RIN3: variants seen among roughly 807,000 people sequenced by gnomAD.
RIN3 encodes Ras and Rab interactor 3.
Under a neutral mutation model 76.3 loss-of-function variants are expected in RIN3, and 54 were observed. The ratio of observed to expected loss-of-function variants is 0.71; its 90% CI spans 0.57 to 0.89. RIN3 has a LOEUF of 0.89. RIN3 is among the 40% of genes least tolerant of loss of function. RIN3 has a pLI of 0.00. For synonymous variants in RIN3, 576 were observed against 564.0 expected (o/e 1.02, Z -0.30); for missense variants, 1,256 against 1,322.1 (o/e 0.95, Z 0.78).
At chr14:92,532,705 C>T (rs771881613) in intron 1 of RIN3, among the ~76,000 whole-genome samples, 1 of 152,122 alleles carries the variant, frequency 6.6e-6, no homozygotes, top group South Asian at 2.1e-4. Flanking sequence ...CACGGGGCCA[C>T]GGTGGAATGT....
At chr14:92,541,227 T>A (rs768504926) in intron 1 of RIN3, among the ~76,000 whole-genome samples, 11 of 152,258 alleles carry the variant, frequency 7.2e-5, no homozygotes, top group Admixed American at 1.3e-4. Flanking sequence ...AAACCCTTGT[T>A]ATCTCCATTC....
chr14:92,623,209 T>C lies in RIN3; in HGVS notation c.440+7730T>C, dbSNP rs1053716074. Reference sequence around the variant, plus strand: ...CATCTGATAAGGAGGTAAGACCTTGTAAAGCTTTTGTAATTGTTCCATCAG... The same window carrying C: ...CATCTGATAAGGAGGTAAGACCTTGCAAAGCTTTTGTAATTGTTCCATCAG... On this transcript the variant is annotated intron_variant, in intron 4 of 9. Coordinates refer to ENST00000216487, the MANE Select transcript of RIN3 (RefSeq NM_024832.5). This position sits in a 1 kb window ranked among gnomAD's most constrained non-coding sequence, Gnocchi z 4.9. 1.3e-5 allele frequency among the ~76,000 whole-genome samples: 2 copies of C among 152,244 alleles called. No homozygotes were observed. Among genetic ancestry groups the C allele is most frequent in the Admixed American group, 6.5e-5 (1 of 15,282 alleles).
At chr14:92,536,702 A>G (rs1170568431) in intron 1 of RIN3, among the ~76,000 whole-genome samples, 1 of 147,262 alleles carries the variant, frequency 6.8e-6, no homozygotes, top group Non-Finnish European at 1.5e-5. Context: ...AGATCGCGCC[A>G]CTGCACTCCA....
At chr14:92,651,391 T>G (rs936897721) in intron 5 of RIN3, among the ~76,000 whole-genome samples, 191 bp from the exon 6 acceptor site, 1 of 151,904 alleles carries the variant, frequency 6.6e-6, no homozygotes, top group Non-Finnish European at 1.5e-5. Context: ...GGGCTTCCCC[T>G]CTCGAGGCAG....
At chr14:92,636,461 G>A (rs1401653315) in intron 4 of RIN3, among the ~76,000 whole-genome samples, 1 of 152,230 alleles carries the variant, frequency 6.6e-6, no homozygotes. Context: ...GCACACGCCT[G>A]TAATCCCAGC....
At chr14:92,658,376 A>G (rs1887750784) in intron 6 of RIN3, among the ~76,000 whole-genome samples, 1 of 152,260 alleles carries the variant, frequency 6.6e-6, no homozygotes, top group Non-Finnish European at 1.5e-5. Flanking sequence ...CAGTTGGCAG[A>G]GCAGCCTGAG....
chr14:92,626,400 G>A (rs1886356030), intron 4 of RIN3, among the ~76,000 whole-genome samples: 2 of 152,258 alleles, frequency 1.3e-5, no homozygotes, highest in South Asian at 4.1e-4. Flanking sequence ...TACCCCATAT[G>A]GGTCATCTAG....
intron 7 of RIN3, among the ~76,000 whole-genome samples, chr14:92,663,754 G>T (rs1887970211): frequency 6.6e-6 from 1 of 152,168 alleles, no homozygotes; most frequent in Non-Finnish European, 1.5e-5. Flanking sequence ...AGGATTTGGG[G>T]TTCATCCACG....
intron 7 of RIN3, among the ~76,000 whole-genome samples, chr14:92,674,108 G>C (rs12890513): frequency 6.6e-6 from 1 of 152,040 alleles, no homozygotes. Flanking sequence ...CACCTGTGCC[G>C]TTTCAATTAA....
chr14:92,634,526 C>T (rs565777270), intron 4 of RIN3, among the ~76,000 whole-genome samples: 2 of 152,250 alleles, frequency 1.3e-5, no homozygotes, highest in Admixed American at 6.5e-5. Flanking sequence ...CTGTGATTCT[C>T]ACCGAAGGCT....
At chr14:92,666,466 C>T (rs899463760) in intron 7 of RIN3, among the ~76,000 whole-genome samples, 1 of 152,120 alleles carries the variant, frequency 6.6e-6, no homozygotes, top group Non-Finnish European at 1.5e-5. Context: ...GAATCCTGGT[C>T]GAGTGTGTCT....
intron 2 of RIN3, chr14:92,576,346 G>C (rs1566850000): frequency 7.8e-7 from 1 of 1,289,872 alleles, no homozygotes; most frequent in Non-Finnish European, 1.0e-6. Flanking sequence ...GGAGAAGCGA[G>C]TGTCCGTCAA....
At chr14:92,667,418 G>A (rs1355504633) in intron 7 of RIN3, among the ~76,000 whole-genome samples, 1 of 152,016 alleles carries the variant, frequency 6.6e-6, no homozygotes, top group African/African-American at 2.4e-5. Context: ...TCAGGAGGCT[G>A]AGGCAGGAGA....
intron 5 of RIN3, among the ~76,000 whole-genome samples, chr14:92,646,239 C>T (rs770289089): frequency 2.6e-5 from 4 of 152,180 alleles, no homozygotes; most frequent in East Asian, 1.9e-4. Flanking sequence ...TCCCGCCCCT[C>T]GGCCCTTTCC....
intron 1 of RIN3, among the ~76,000 whole-genome samples, chr14:92,516,711 C>T (rs892089061): frequency 2.0e-5 from 3 of 152,052 alleles, no homozygotes; most frequent in Non-Finnish European, 2.9e-5. Context: ...TTGAAGGAGT[C>T]GCAGCACATT....
rs1275054538 is a variant in RIN3 at position 92,561,041 on chromosome 14, A to AT, written c.249+5086_249+5087insT. On this transcript the variant is annotated intron_variant, in intron 2 of 9. Coordinates refer to ENST00000216487, the MANE Select transcript of RIN3 (RefSeq NM_024832.5). ...TGTCTAAAAAAAAAAAAAAAAAAAA[A>AT]AAAATATATATATATCTGCCATATA... 9.5e-3 allele frequency among the ~76,000 whole-genome samples: 787 copies of AT among 82,986 alleles called. 82 individuals carry two copies. The highest frequency in any genetic ancestry group is 0.021 in the African/African-American group (481 of 22,626). 54.4% of individuals were successfully genotyped at this position (82,986 alleles called of 152,430 possible). A position where few individuals can be genotyped will look rare whatever the true frequency, so the allele number is the denominator to read the frequency against.
intron 3 of RIN3, among the ~76,000 whole-genome samples, chr14:92,598,950 T>C (rs1885246196): frequency 6.6e-6 from 1 of 152,122 alleles, no homozygotes; most frequent in African/African-American, 2.4e-5. Context: ...AGTTGTGTCC[T>C]GAAGGATGAA....
intron 1 of RIN3, among the ~76,000 whole-genome samples, chr14:92,528,091 G>T (rs1896791844): frequency 6.6e-6 from 1 of 152,090 alleles, no homozygotes; most frequent in Non-Finnish European, 1.5e-5. Flanking sequence ...GCAAGGGCTG[G>T]TGCCTGGACT....
intron 4 of RIN3, among the ~76,000 whole-genome samples, chr14:92,633,939 G>C (rs903435959): frequency 6.6e-6 from 1 of 151,904 alleles, no homozygotes; most frequent in South Asian, 2.1e-4. Flanking sequence ...ATTTCTCTCT[G>C]GTTACAGAGG....
Sources: allele counts gnomAD v4.1 joint callset (sites outside exome capture counted in the v4.1 genomes callset), GRCh38; gene constraint gnomAD v4.1.1; non-coding constraint Gnocchi (gnomAD v3.1); transcripts MANE v1.5; gene names NCBI Gene and HGNC (gene_info 2026-07-23, HGNC 2026-07-21).